VPS13B: variants seen among roughly 807,000 people sequenced by gnomAD.
VPS13B encodes vacuolar protein sorting 13 homolog B.
VPS13B carries 285 observed loss-of-function variants against 426.4 expected under a neutral mutation model. The observed-to-expected ratio is 0.67, with a 90% CI of 0.61 to 0.74. VPS13B has a LOEUF of 0.74. Among genes scored for constraint, VPS13B ranks in the 30% least tolerant of loss-of-function variants. VPS13B has a pLI of 0.00. For synonymous variants in VPS13B, 1,676 were observed against 1,676.4 expected (o/e 1.00, Z 0.01); for missense variants, 4,537 against 4,782.6 (o/e 0.95, Z 1.51).
At chr8:99,529,675 A>G (rs1822829012) in intron 30 of VPS13B, among the ~76,000 whole-genome samples, 1 of 152,190 alleles carries the variant, frequency 6.6e-6, no homozygotes, top group Non-Finnish European at 1.5e-5. Context: ...ATTATAGCTT[A>G]TGTGTTCTTT....
At chr8:99,392,483 C>T (rs192396772) in intron 21 of VPS13B, among the ~76,000 whole-genome samples, 35 of 151,708 alleles carry the variant, frequency 2.3e-4, no homozygotes, top group South Asian at 4.2e-4. Context: ...TTTCTTATAA[C>T]GCAGATATTC....
At chr8:99,808,473 G>A (rs1813520480) in intron 43 of VPS13B, among the ~76,000 whole-genome samples, 1 of 142,524 alleles carries the variant, frequency 7.0e-6, no homozygotes, top group African/African-American at 2.7e-5. Flanking sequence ...CTGAGATCGT[G>A]TCACTGCACT....
intron 19 of VPS13B, among the ~76,000 whole-genome samples, chr8:99,303,044 G>T (rs1324389680): frequency 1.3e-5 from 2 of 151,764 alleles, no homozygotes; most frequent in African/African-American, 2.4e-5. Flanking sequence ...ACTTTGGGAG[G>T]CCAAGGCGGG....
chr8:99,553,617 A>G (rs1210861574), intron 30 of VPS13B, among the ~76,000 whole-genome samples: 1 of 152,108 alleles, frequency 6.6e-6, no homozygotes, highest in East Asian at 1.9e-4. Context: ...GCTAAAGCAC[A>G]GAGAAGTTAA....
chr8:99,399,855 A>G (rs1814939175), intron 21 of VPS13B, among the ~76,000 whole-genome samples: 1 of 152,158 alleles, frequency 6.6e-6, no homozygotes, highest in South Asian at 2.1e-4. Flanking sequence ...GACTGGGTTT[A>G]TCTATTTTTA....
intron 21 of VPS13B, among the ~76,000 whole-genome samples, chr8:99,427,821 A>C (rs956374328): frequency 3.3e-5 from 5 of 152,070 alleles, no homozygotes; most frequent in Non-Finnish European, 7.4e-5. Flanking sequence ...AAGAGCCCGC[A>C]TTGCCAAGTC....
At chr8:99,083,357 G>A (rs569517298) in intron 3 of VPS13B, among the ~76,000 whole-genome samples, 1 of 152,220 alleles carries the variant, frequency 6.6e-6, no homozygotes, top group Non-Finnish European at 1.5e-5. Context: ...GAGATTTTGG[G>A]TGAGACGATG....
chr8:99,707,951 GT>G (rs965888774), intron 36 of VPS13B, among the ~76,000 whole-genome samples: 44 of 152,262 alleles, frequency 2.9e-4, no homozygotes, highest in African/African-American at 1.0e-3. Context: ...AGCAAGTCAT[GT>G]TGTTTTCAAC....
At chr8:99,118,667 C>T (rs1249574939) in intron 7 of VPS13B, among the ~76,000 whole-genome samples, 2 of 152,122 alleles carry the variant, frequency 1.3e-5, no homozygotes, top group Non-Finnish European at 2.9e-5. Context: ...AGGCTTCTTT[C>T]ATTAAGCATA....
At chr8:99,322,648 G>A (rs1810039072) in intron 19 of VPS13B, among the ~76,000 whole-genome samples, 1 of 152,096 alleles carries the variant, frequency 6.6e-6, no homozygotes, top group Non-Finnish European at 1.5e-5. Context: ...AGAGTTTTTT[G>A]TATTTTTTTC....
At chr8:99,230,545 A>C (rs1456293268) in intron 17 of VPS13B, among the ~76,000 whole-genome samples, 1 of 152,240 alleles carries the variant, frequency 6.6e-6, no homozygotes, top group African/African-American at 2.4e-5. Context: ...ACCAGGTTCC[A>C]GTTCTGAGAA....
At chr8:99,714,711 A>C (rs1832843305) in intron 36 of VPS13B, among the ~76,000 whole-genome samples, 1 of 152,192 alleles carries the variant, frequency 6.6e-6, no homozygotes. Context: ...CCTCTTTCTG[A>C]TCACAAGAAA....
At chr8:99,063,078 C>T (rs1029321561) in intron 3 of VPS13B, among the ~76,000 whole-genome samples, 2 of 152,118 alleles carry the variant, frequency 1.3e-5, no homozygotes, top group South Asian at 2.1e-4. Flanking sequence ...AATCTGAACA[C>T]TTAACAATCC....
At chr8:99,074,537 A>G (rs1422185595) in intron 3 of VPS13B, among the ~76,000 whole-genome samples, 1 of 151,668 alleles carries the variant, frequency 6.6e-6, no homozygotes, top group African/African-American at 2.4e-5. Context: ...ACCTGATTAT[A>G]GTATATTATG....
chr8:99,665,352 GT>G (rs1354139567), intron 35 of VPS13B, among the ~76,000 whole-genome samples: 1 of 152,084 alleles, frequency 6.6e-6, no homozygotes, highest in Non-Finnish European at 1.5e-5. Flanking sequence ...TTTGGCTTTT[GT>G]TGCCATTGCT....
chr8:99,733,580 C>T (rs1458372536), intron 39 of VPS13B, among the ~76,000 whole-genome samples: 1 of 152,090 alleles, frequency 6.6e-6, no homozygotes, highest in Non-Finnish European at 1.5e-5. Flanking sequence ...TGCTAATTTG[C>T]CTCTTGTTCT....
intron 17 of VPS13B, among the ~76,000 whole-genome samples, chr8:99,242,268 G>A (rs964334070): frequency 6.6e-6 from 1 of 152,162 alleles, no homozygotes; most frequent in African/African-American, 2.4e-5. Flanking sequence ...ATAGGCATGA[G>A]CCACCGCGCC....
intron 33 of VPS13B, among the ~76,000 whole-genome samples, chr8:99,639,208 C>T (rs1384065895): frequency 6.6e-6 from 1 of 152,034 alleles, no homozygotes; most frequent in Non-Finnish European, 1.5e-5. Context: ...GACTACAAAG[C>T]CTATATGTTG....
chr8:99,299,910 A>G (rs971896458), intron 19 of VPS13B, among the ~76,000 whole-genome samples: 3 of 152,154 alleles, frequency 2.0e-5, no homozygotes, highest in Non-Finnish European at 4.4e-5. Flanking sequence ...ACTCCATCTC[A>G]ACAACAAAAA....
Sources: gnomAD v4.1 joint callset for allele counts (sites outside exome capture counted in the v4.1 genomes callset) on GRCh38, gnomAD v4.1.1 for gene constraint, MANE v1.5 for transcripts, NCBI Gene and HGNC (gene_info 2026-07-23, HGNC 2026-07-21) for gene names.